Variants in THSD7B observed in about 807,000 individuals in gnomAD.
The protein encoded by THSD7B is thrombospondin type-1 domain-containing protein 7B.
In THSD7B, 138 loss-of-function variants were observed where a neutral mutation model predicts 213.6. The observed-to-expected ratio is 0.65, with a 90% CI of 0.56 to 0.74. THSD7B has a LOEUF of 0.74. Among genes scored for constraint, THSD7B ranks in the 30% least tolerant of loss-of-function variants. THSD7B has a pLI of 0.00. For synonymous variants in THSD7B, 742 were observed against 687.0 expected (o/e 1.08, Z -1.25); for missense variants, 1,931 against 1,991.5 (o/e 0.97, Z 0.58).
intron 7 of THSD7B, among the ~76,000 whole-genome samples, chr2:137,208,955 T>A (rs1019092162): frequency 6.6e-6 from 1 of 152,116 alleles, no homozygotes; most frequent in African/African-American, 2.4e-5. Context: ...TAACTATGCC[T>A]GCATCTTAGC....
chr2:137,624,803 A>G (rs1682592172), intron 20 of THSD7B, among the ~76,000 whole-genome samples: 1 of 152,100 alleles, frequency 6.6e-6, no homozygotes, highest in South Asian at 2.1e-4. Flanking sequence ...TAGAATGGTG[A>G]TCATTAAAAA....
intron 12 of THSD7B, among the ~76,000 whole-genome samples, chr2:137,314,854 G>A (rs1262417682): frequency 6.6e-6 from 1 of 152,220 alleles, no homozygotes; most frequent in African/African-American, 2.4e-5. Flanking sequence ...TGAGGTGGCA[G>A]TCTGCCCGTT....
At chr2:137,096,812 A>G (rs1324452031) in intron 4 of THSD7B, among the ~76,000 whole-genome samples, 1 of 152,218 alleles carries the variant, frequency 6.6e-6, no homozygotes, top group Admixed American at 6.5e-5. Flanking sequence ...CTTTTTCAGT[A>G]GAATGCATCT....
intron 15 of THSD7B, among the ~76,000 whole-genome samples, chr2:137,461,515 C>T (rs1399346349): frequency 6.6e-6 from 1 of 152,028 alleles, no homozygotes; most frequent in Non-Finnish European, 1.5e-5. Context: ...ACTACCTTCC[C>T]ACTGGACTCT....
At chr2:137,092,736 G>A (rs929657332) in intron 3 of THSD7B, among the ~76,000 whole-genome samples, 1 of 152,148 alleles carries the variant, frequency 6.6e-6, no homozygotes. Flanking sequence ...CCAGGTTCAA[G>A]CAACTCTCCT....
At chr2:137,014,747 T>G (rs1479747741) in intron 2 of THSD7B, among the ~76,000 whole-genome samples, 1 of 152,170 alleles carries the variant, frequency 6.6e-6, no homozygotes, top group East Asian at 1.9e-4. Flanking sequence ...AGATTTTCCC[T>G]CCACAGTCAG....
chr2:137,080,800 C>T (rs1687732949), intron 3 of THSD7B, among the ~76,000 whole-genome samples: 3 of 151,994 alleles, frequency 2.0e-5, no homozygotes, highest in Non-Finnish European at 4.4e-5. Context: ...AGTCCTGACC[C>T]CATTCTCATT....
At chr2:137,280,171 C>G (rs1682973233) in intron 12 of THSD7B, among the ~76,000 whole-genome samples, 1 of 152,070 alleles carries the variant, frequency 6.6e-6, no homozygotes, top group Non-Finnish European at 1.5e-5. Flanking sequence ...ACATAGCCAA[C>G]CTTATATTTT....
At chr2:137,399,030 C>T (rs369188728) in intron 12 of THSD7B, among the ~76,000 whole-genome samples, 42 of 152,174 alleles carry the variant, frequency 2.8e-4, no homozygotes, top group African/African-American at 8.4e-4. Context: ...GGCTCGCGCA[C>T]GGTGCGCGCA....
intron 14 of THSD7B, among the ~76,000 whole-genome samples, chr2:137,428,059 A>G (rs1687098293): frequency 6.6e-6 from 1 of 152,178 alleles, no homozygotes; most frequent in Admixed American, 6.5e-5. Flanking sequence ...ATATCTGATA[A>G]GAGACTTGTA....
intron 15 of THSD7B, among the ~76,000 whole-genome samples, chr2:137,466,352 G>A (rs2105086585): frequency 6.6e-6 from 1 of 152,230 alleles, no homozygotes; most frequent in South Asian, 2.1e-4. Context: ...TGAGTGGGAG[G>A]TCATAAAGTG....
intron 2 of THSD7B, among the ~76,000 whole-genome samples, chr2:136,957,689 T>C (rs524398): frequency 0.48 from 73,080 of 151,932 alleles, 18,757 homozygotes; most frequent in Non-Finnish European, 0.58. Flanking sequence ...TATTATATTT[T>C]GTCACATTGT....
chr2:137,530,047 A>G (rs1331156275), intron 15 of THSD7B, among the ~76,000 whole-genome samples: 1 of 152,054 alleles, frequency 6.6e-6, no homozygotes, highest in African/African-American at 2.4e-5. Context: ...GTTCTTGAGT[A>G]CATCTGGGCG....
At chr2:136,914,685 T>C (rs1470657376) in intron 2 of THSD7B, among the ~76,000 whole-genome samples, 1 of 151,674 alleles carries the variant, frequency 6.6e-6, no homozygotes, top group Non-Finnish European at 1.5e-5. Context: ...GCCACAGCCA[T>C]GTAAAAAGTG....
At chr2:136,848,452 T>C (rs1278631579) in intron 1 of THSD7B, among the ~76,000 whole-genome samples, 1 of 141,602 alleles carries the variant, frequency 7.1e-6, no homozygotes, top group Non-Finnish European at 1.6e-5. Context: ...TGATATAACA[T>C]ACAGTTTTGG....
At chr2:137,352,899 A>T (rs967231019) in intron 12 of THSD7B, among the ~76,000 whole-genome samples, 1 of 151,938 alleles carries the variant, frequency 6.6e-6, no homozygotes, top group Non-Finnish European at 1.5e-5. Flanking sequence ...CCATACATAT[A>T]TTATATATAT....
chr2:136,823,154 A>G (rs1682592962), intron 1 of THSD7B, among the ~76,000 whole-genome samples: 1 of 150,942 alleles, frequency 6.6e-6, no homozygotes, highest in African/African-American at 2.5e-5. Flanking sequence ...ATTATCTTGT[A>G]GGATATCCTT....
At chr2:136,949,192 T>C (rs1174372923) in intron 2 of THSD7B, among the ~76,000 whole-genome samples, 1 of 152,216 alleles carries the variant, frequency 6.6e-6, no homozygotes. Flanking sequence ...CCTTTTATTG[T>C]ATCCTGCAAT....
At chr2:136,886,394 G>A (rs1343930297) in intron 2 of THSD7B, among the ~76,000 whole-genome samples, 1 of 152,096 alleles carries the variant, frequency 6.6e-6, no homozygotes, top group Non-Finnish European at 1.5e-5. Context: ...AAGAGCCATG[G>A]TGATAGCTTG....
Sources: allele counts gnomAD v4.1 joint callset (sites outside exome capture counted in the v4.1 genomes callset), GRCh38; gene constraint gnomAD v4.1.1; transcripts MANE v1.5; gene names NCBI Gene and HGNC (gene_info 2026-07-23, HGNC 2026-07-21).